Variants in SLC26A3 observed in about 807,000 individuals in gnomAD.
SLC26A3 encodes chloride anion exchanger.
In SLC26A3, 64 loss-of-function variants were observed where a neutral mutation model predicts 85.6. That is an observed-to-expected ratio of 0.75 (90% CI 0.61 to 0.92). The LOEUF (loss-of-function observed/expected upper bound fraction) is 0.92. Ranked by LOEUF, SLC26A3 falls within the 40% of genes least tolerant of loss-of-function variation. SLC26A3 has a pLI of 0.00. For synonymous variants in SLC26A3, 349 were observed against 336.0 expected, an observed-to-expected ratio of 1.04 and a Z score of -0.42; for missense variants, 922 against 927.3, an observed-to-expected ratio of 0.99 and a Z score of 0.07.
chr7:107,767,813 T>C lies in SLC26A3; in HGVS notation c.2158A>G (p.Ile720Val). The change falls in exon 19 of 21, where the codon ATT becomes GTT. Residue 720 changes from isoleucine to valine, a missense_variant. Physicochemically the swap from Ile to Val is conservative, Grantham distance 29 (BLOSUM62 3). Coordinates refer to ENST00000340010, the MANE Select transcript of SLC26A3 (RefSeq NM_000111.3). Reference sequence around the variant, plus strand: ...GTACTGTAATCTTTCTTCATCAAAATATGCAAAACAGCATCATGGATTGTT... The same window carrying C: ...GTACTGTAATCTTTCTTCATCAAAACATGCAAAACAGCATCATGGATTGTT... ...FLTIHDAVLH[I>V]LMKKDYSTSK... 1.9e-6 allele frequency: 3 copies of C among 1,613,830 alleles called. No individual in the cohort carries two copies. The highest frequency in any genetic ancestry group is 8.5e-7 in the Non-Finnish European group (1 of 1,179,822).
At chr7:107,787,946 G>T (rs1302969490) in intron 6 of SLC26A3, among the ~76,000 whole-genome samples, 1 of 152,130 alleles carries the variant, frequency 6.6e-6, no homozygotes, top group Non-Finnish European at 1.5e-5. Context: ...CTCTTGGGGG[G>T]TTTACACCCC....
Position 107,774,776 on chromosome 7 carries a change from C to T in SLC26A3, c.1773+1G>A. The T allele has an allele frequency of 6.2e-7, 1 of 1,609,294 alleles. No individual in the cohort carries two copies. The highest frequency in any genetic ancestry group is 8.5e-7 in the Non-Finnish European group (1 of 1,175,578). ...CATAGAAATGTGGTCAAGGAACTTA[C>T]TGGTGTCACTTGTAGCAAGCCTTGC... On this transcript the variant is annotated splice_donor_variant, in intron 16 of 20. Coordinates refer to ENST00000340010, the MANE Select transcript of SLC26A3 (RefSeq NM_000111.3). LOFTEE classifies it high-confidence loss of function.
intron 1 of SLC26A3, among the ~76,000 whole-genome samples, chr7:107,795,511 T>C (rs1006064654): frequency 6.6e-6 from 1 of 152,188 alleles, no homozygotes; most frequent in African/African-American, 2.4e-5. Flanking sequence ...CTTATTATTT[T>C]ATTATTATTA....
intron 1 of SLC26A3, among the ~76,000 whole-genome samples, 170 bp from the exon 2 acceptor site, chr7:107,794,767 C>T (rs1486962959): frequency 2.0e-5 from 3 of 152,186 alleles, no homozygotes; most frequent in Admixed American, 1.3e-4. Flanking sequence ...GTGAGCTGGA[C>T]GTGGCTCTTT....
intron 5 of SLC26A3, among the ~76,000 whole-genome samples, chr7:107,790,307 G>A (rs139848518): frequency 1.3e-5 from 2 of 152,098 alleles, no homozygotes; most frequent in African/African-American, 2.4e-5. Context: ...TCTCCAGAAC[G>A]CAGCCAGAGC....
intron 13 of SLC26A3, among the ~76,000 whole-genome samples, chr7:107,777,028 G>A (rs1389232696): frequency 1.3e-5 from 2 of 152,204 alleles, no homozygotes. Context: ...GTATGGATGA[G>A]AACATGGAAA....
intron 1 of SLC26A3, among the ~76,000 whole-genome samples, chr7:107,801,250 C>G (rs1794594769): frequency 6.6e-6 from 1 of 152,232 alleles, no homozygotes; most frequent in African/African-American, 2.4e-5. Context: ...AACTGACTCT[C>G]TCCACTACGT....
chr7:107,789,547 T>C lies in SLC26A3; in HGVS notation c.712A>G (p.Thr238Ala). ...FIFQLTVPSHTDPVSIFKVLY... is the reference protein window; with the variant it reads ...FIFQLTVPSHADPVSIFKVLY... The stretch of plus-strand genomic sequence containing the variant: ...ACTTTGAAAATTGAAACTGGATCAG[T>C]GTGTGACGGGACTGTCAACTGAAAA... Residue 238 changes from threonine (T) to alanine (A), a missense_variant, in exon 6 of 21, where the codon ACT (threonine) becomes GCT (alanine). Transcript: ENST00000340010. 2 of 1,614,088 alleles carry C rather than the reference T, an allele frequency of 1.2e-6. No homozygotes were observed. Among genetic ancestry groups the C allele is most frequent in the Non-Finnish European group, 8.5e-7 (1 of 1,180,002 alleles).
chr7:107,792,446 G>A (rs1292599221), intron 3 of SLC26A3, among the ~76,000 whole-genome samples: 1 of 151,914 alleles, frequency 6.6e-6, no homozygotes, highest in African/African-American at 2.4e-5. Flanking sequence ...CAGATCATTA[G>A]GCATTAGATT....
At chr7:107,770,996 T>C (rs142182689) in intron 18 of SLC26A3, among the ~76,000 whole-genome samples, 1 of 152,172 alleles carries the variant, frequency 6.6e-6, no homozygotes, top group East Asian at 1.9e-4. Flanking sequence ...TGGGAGAGCA[T>C]TATAGGGATG....
At chr7:107,775,741 A>C (rs1794102161) in intron 15 of SLC26A3, among the ~76,000 whole-genome samples, 1 of 152,086 alleles carries the variant, frequency 6.6e-6, no homozygotes, top group African/African-American at 2.4e-5. Context: ...AATCCTTGAC[A>C]AAAAATATAG....
At chr7:107,787,535 C>T in intron 6 of SLC26A3, 26 bp from the exon 7 acceptor site, 1 of 1,602,094 alleles carries the variant, frequency 6.2e-7, no homozygotes, top group Non-Finnish European at 8.5e-7. Flanking sequence ...CAAAAACCAC[C>T]AAAGCCCTAT....
At chr7:107,797,735 A>G (rs1429647695) in intron 1 of SLC26A3, among the ~76,000 whole-genome samples, 3 of 75,078 alleles carry the variant, frequency 4.0e-5, no homozygotes, top group Non-Finnish European at 7.3e-5. Flanking sequence ...ATTCTTGAGC[A>G]GGACCTTTTT....
Position 107,791,084 on chromosome 7 carries a change from C to T in SLC26A3, c.534G>A (p.Ala178=), listed in dbSNP as rs149275142. 2.2e-5 allele frequency: 36 copies of T among 1,613,958 alleles called. No homozygotes were observed. The highest frequency in any genetic ancestry group is 9.3e-5 in the African/African-American group (7 of 74,898). ...CAGAAAGCACTGTGACTGATGCCGC[C>T]GCCGCCACCCTCACCCTCTCGTCAT... ...LLDDERVRVA[A]AASVTVLSGI... Residue 178 remains alanine (A), a synonymous_variant, in exon 5 of 21, where the codon GCG becomes GCA. Coordinates refer to ENST00000340010, the MANE Select transcript of SLC26A3 (RefSeq NM_000111.3).
At chr7:107,790,925 A>G (rs951631074) in intron 5 of SLC26A3, 123 bp downstream of exon 5, 2 of 1,019,458 alleles carry the variant, frequency 2.0e-6, no homozygotes, top group African/African-American at 3.2e-5. Flanking sequence ...CCTATGGGCC[A>G]TGAGGGAGAG....
intron 1 of SLC26A3, among the ~76,000 whole-genome samples, chr7:107,799,374 A>G (rs1040838235): frequency 1.3e-5 from 2 of 151,826 alleles, no homozygotes; most frequent in Non-Finnish European, 2.9e-5. Context: ...CAAGCCATCA[A>G]TTTTCTTTTC....
chr7:107,777,981 G>A (rs1175018911), intron 13 of SLC26A3, among the ~76,000 whole-genome samples, 194 bp downstream of exon 13: 1 of 152,238 alleles, frequency 6.6e-6, no homozygotes, highest in Admixed American at 6.5e-5. Context: ...CTGGGCTGAT[G>A]TTCTAAAGCT....
intron 1 of SLC26A3, among the ~76,000 whole-genome samples, chr7:107,801,925 CAAAAAAA>C (rs11356401): frequency 1.1e-5 from 1 of 91,262 alleles, no homozygotes; most frequent in African/African-American, 3.5e-5. Flanking sequence ...ACTGAAAATA[CAAAAAAA>C]AAAAAAAAAA....
Position 107,790,850 on chromosome 7 carries a change from G to A in SLC26A3, c.570+198C>T, listed in dbSNP as rs376930601. Among the ~76,000 whole-genome samples the A allele has an allele frequency of 1.7e-4, 26 of 152,096 alleles. No homozygotes were observed. The East Asian group carries it at 4.0e-3, about 24-fold the overall frequency. ...CTTCTGTCTAGACCCACATTCATTC[G>A]TTTTTGTACTGTTGACCCACTCCTC... On this transcript the variant is annotated intron_variant, in intron 5 of 20. Transcript: ENST00000340010.
Sources: allele counts gnomAD v4.1 joint callset (sites outside exome capture counted in the v4.1 genomes callset), GRCh38; gene constraint gnomAD v4.1.1; transcripts MANE v1.5; gene names NCBI Gene and HGNC (gene_info 2026-07-23, HGNC 2026-07-21).